PREX1: variants seen among roughly 807,000 people sequenced by gnomAD.
PREX1 encodes the protein phosphatidylinositol-3,4,5-trisphosphate dependent Rac exchange factor 1.
In PREX1, 41 loss-of-function variants were observed where a neutral mutation model predicts 198.3. The ratio of observed to expected loss-of-function variants is 0.21; its 90% CI spans 0.16 to 0.27. The LOEUF is 0.27. PREX1 is among the 10% of genes least tolerant of loss of function. PREX1 has a pLI of 1.00. For missense variants in PREX1, 1,620 were observed against 2,200.7 expected (o/e 0.74, Z 5.28); for synonymous variants, 843 against 887.2 (o/e 0.95, Z 0.89).
intron 30 of PREX1, 89 bp from the exon 31 acceptor site, chr20:48,637,841 TCCCA>T: frequency 1.7e-6 from 2 of 1,200,816 alleles, no homozygotes; most frequent in Non-Finnish European, 2.4e-6. Flanking sequence ...CCATGGCACC[TCCCA>T]AGGTGCTCTG....
intron 4 of PREX1, among the ~76,000 whole-genome samples, chr20:48,733,341 A>C (rs11699576): frequency 0.16 from 24,947 of 152,142 alleles, 2,250 homozygotes; most frequent in South Asian, 0.26. Flanking sequence ...CCCACCTTCC[A>C]TCTCCAGAAG....
chr20:48,735,174 G>A (rs908519574), intron 3 of PREX1, among the ~76,000 whole-genome samples: 2 of 152,184 alleles, frequency 1.3e-5, no homozygotes, highest in Non-Finnish European at 2.9e-5. Context: ...GAAGAGACAG[G>A]AGCCTTCTTA....
chr20:48,734,248 T>C (rs1735708745), intron 4 of PREX1, among the ~76,000 whole-genome samples: 1 of 152,160 alleles, frequency 6.6e-6, no homozygotes, highest in Non-Finnish European at 1.5e-5. Flanking sequence ...TTTTTGTAAA[T>C]AAAGTTTTAT....
chr20:48,743,617 G>A (rs998981630), intron 3 of PREX1, among the ~76,000 whole-genome samples: 15 of 152,166 alleles, frequency 9.9e-5, no homozygotes, highest in African/African-American at 2.4e-4. Context: ...AGATAACGTC[G>A]ACATTTATTG....
chr20:48,851,229 G>A, the PREX1 span, among the ~76,000 whole-genome samples: 10 of 152,236 alleles, frequency 6.6e-5, no homozygotes, highest in East Asian at 5.8e-4. Flanking sequence ...ACTTGAGGCC[G>A]GGCATGGTGG....
the PREX1 span, among the ~76,000 whole-genome samples, chr20:48,878,941 C>T: frequency 1.9e-3 from 286 of 152,286 alleles, 3 homozygotes; most frequent in Middle Eastern, 6.8e-3. Flanking sequence ...CCAAGCCACC[C>T]GCTGGAGAGA....
chr20:48,661,948 G>A lies in PREX1; in HGVS notation c.1739-1887C>T, dbSNP rs551927651. Among the ~76,000 whole-genome samples, 324 of 152,298 alleles carry A rather than the reference G, an allele frequency of 2.1e-3. 2 individuals are homozygous for A. Among genetic ancestry groups the A allele is most frequent in the African/African-American group, 7.5e-3 (310 of 41,562 alleles). On this transcript the variant is annotated intron_variant, in intron 15 of 39. Transcript: ENST00000371941. ...GCTCGGAGAGGTAAAGGCAGCTGTCGGACGCCAGTGGGTGCCTGAAACAAG... is the reference window on the plus strand; with the variant it reads ...GCTCGGAGAGGTAAAGGCAGCTGTCAGACGCCAGTGGGTGCCTGAAACAAG...
chr20:48,840,261 T>A, the PREX1 span, among the ~76,000 whole-genome samples: 10 of 151,040 alleles, frequency 6.6e-5, no homozygotes, highest in Non-Finnish European at 1.2e-4. Flanking sequence ...GTGATCCTCC[T>A]GCCTTGGCCT....
intron 7 of PREX1, among the ~76,000 whole-genome samples, chr20:48,695,069 A>C (rs1334566748): frequency 1.3e-5 from 2 of 152,234 alleles, no homozygotes; most frequent in Admixed American, 1.3e-4. Context: ...TGCCCAAAGA[A>C]GCATTAATAT....
intron 25 of PREX1, among the ~76,000 whole-genome samples, chr20:48,648,606 CT>C (rs1316298073): frequency 6.6e-6 from 1 of 152,200 alleles, no homozygotes; most frequent in Non-Finnish European, 1.5e-5. Context: ...ACAAACACCC[CT>C]GATTGTCTCA....
At chr20:48,720,107 A>G (rs1568838356) in intron 5 of PREX1, among the ~76,000 whole-genome samples, 1 of 151,928 alleles carries the variant, frequency 6.6e-6, no homozygotes, top group South Asian at 2.1e-4. Context: ...CTCTGGAACA[A>G]TTTTCCCCAA....
intron 1 of PREX1, among the ~76,000 whole-genome samples, chr20:48,817,953 A>G: frequency 6.6e-6 from 1 of 152,148 alleles, no homozygotes; most frequent in Non-Finnish European, 1.5e-5. Flanking sequence ...TAAAATGTCC[A>G]GTGTGTTAGC....
At chr20:48,791,021 C>T (rs1170702802) in intron 1 of PREX1, among the ~76,000 whole-genome samples, 2 of 152,118 alleles carry the variant, frequency 1.3e-5, no homozygotes, top group East Asian at 3.9e-4. Flanking sequence ...ATATTTATTC[C>T]CAGGAATATG....
chr20:48,678,668 T>G (rs2089726266), intron 13 of PREX1, among the ~76,000 whole-genome samples: 1 of 152,198 alleles, frequency 6.6e-6, no homozygotes, highest in Admixed American at 6.5e-5. Context: ...TCACAAGATC[T>G]GATGGTTTCA....
chr20:48,842,526 C>T, the PREX1 span, among the ~76,000 whole-genome samples: 1 of 151,698 alleles, frequency 6.6e-6, no homozygotes, highest in Non-Finnish European at 1.5e-5. Context: ...TGGGTATATT[C>T]TCTCTCTCCA....
rs181512175 is a variant in PREX1, at chr20:48,777,635, T to C, written c.220-29755A>G. Among the ~76,000 whole-genome samples, 42 of 152,188 alleles carry C rather than the reference T, an allele frequency of 2.8e-4. 1 individual carries two copies. The East Asian group carries it at 7.9e-3, about 29-fold the overall frequency. ...CAACCACACATAATGGACTCTGATA[T>C]AAAGACCAAGGCCTGAAGGGTCACG... On this transcript the variant is annotated intron_variant, in intron 1 of 39. Transcript: ENST00000371941.
At chr20:48,741,829 A>G (rs1479069708) in intron 3 of PREX1, among the ~76,000 whole-genome samples, 15 of 152,220 alleles carry the variant, frequency 9.9e-5, no homozygotes, top group Non-Finnish European at 1.5e-5. Flanking sequence ...GAACTGGTCC[A>G]GCAGAGGAAG....
At chr20:48,797,282 CTTTG>C (rs1291665760) in intron 1 of PREX1, among the ~76,000 whole-genome samples, 3 of 151,880 alleles carry the variant, frequency 2.0e-5, no homozygotes, top group Non-Finnish European at 2.9e-5. Context: ...TCAAGCTGGC[CTTTG>C]TGGTTGAGTC....
chr20:48,734,426 G>C (rs2090048004), intron 4 of PREX1, 120 bp downstream of exon 4: 5 of 885,688 alleles, frequency 5.6e-6, no homozygotes, highest in Non-Finnish European at 9.1e-6. Flanking sequence ...TTAGGCAGGA[G>C]ATTACCCCAG....
Sources: allele counts gnomAD v4.1 joint callset (sites outside exome capture counted in the v4.1 genomes callset), GRCh38; gene constraint gnomAD v4.1.1; transcripts MANE v1.5; gene names NCBI Gene and HGNC (gene_info 2026-07-23, HGNC 2026-07-21).